Variants in OPCML observed in about 807,000 individuals in gnomAD.
OPCML encodes opioid-binding protein/cell adhesion molecule.
In OPCML, 13 loss-of-function variants were observed where a neutral mutation model predicts 37.8. That is an observed-to-expected ratio of 0.34 (90% CI 0.22 to 0.55). OPCML has a LOEUF of 0.55. OPCML is among the 20% of genes least tolerant of loss of function. The probability of loss-of-function intolerance (pLI) is 0.91; values close to 1 mark genes in which losing one functional copy is unlikely to be tolerated. For synonymous variants in OPCML, 176 were observed against 168.8 expected (o/e 1.04, Z -0.33); for missense variants, 341 against 435.6 (o/e 0.78, Z 1.93).
At chr11:132,924,289 A>G (rs1263630467) in intron 2 of OPCML, among the ~76,000 whole-genome samples, 1 of 152,096 alleles carries the variant, frequency 6.6e-6, no homozygotes, top group African/African-American at 2.4e-5. Flanking sequence ...GCTTAAGTTA[A>G]TCATCTCCTC....
chr11:133,338,000 T>C (rs748959663), intron 1 of OPCML, among the ~76,000 whole-genome samples: 1 of 151,932 alleles, frequency 6.6e-6, no homozygotes, highest in Non-Finnish European at 1.5e-5. Context: ...GGCCGTCCTG[T>C]GTTGGGCACA....
intron 1 of OPCML, chr11:133,302,782 C>T (rs577390807): frequency 1.3e-5 from 2 of 152,288 alleles, no homozygotes; most frequent in East Asian, 1.9e-4. Context: ...TCAACCTATC[C>T]TCTGAATCTA....
At chr11:133,239,450 GA>G (rs1319819856) in intron 1 of OPCML, among the ~76,000 whole-genome samples, 1 of 152,192 alleles carries the variant, frequency 6.6e-6, no homozygotes, top group Non-Finnish European at 1.5e-5. Context: ...GGAGTAGAGA[GA>G]AAAAGCCTGC....
intron 1 of OPCML, among the ~76,000 whole-genome samples, chr11:133,515,227 C>T (rs1335820999): frequency 6.6e-6 from 1 of 152,186 alleles, no homozygotes; most frequent in Non-Finnish European, 1.5e-5. Flanking sequence ...CTTCCACCAG[C>T]TGGGAGGAAG....
At chr11:132,468,996 G>A (rs2096127595) in intron 4 of OPCML, among the ~76,000 whole-genome samples, 1 of 152,114 alleles carries the variant, frequency 6.6e-6, no homozygotes, top group East Asian at 1.9e-4. Flanking sequence ...GTATGTTATT[G>A]AAAGTAACCA....
intron 1 of OPCML, among the ~76,000 whole-genome samples, chr11:132,945,873 C>G (rs2136686107): frequency 6.6e-6 from 1 of 152,322 alleles, no homozygotes; most frequent in East Asian, 1.9e-4. Context: ...AGCTCCACCT[C>G]CCGGGTTCAC....
intron 4 of OPCML, among the ~76,000 whole-genome samples, chr11:132,466,090 G>A (rs554364911): frequency 1.9e-4 from 29 of 152,132 alleles, no homozygotes; most frequent in African/African-American, 7.0e-4. Context: ...TTCCTACCAG[G>A]GCCATCCTCC....
At chr11:132,420,464 C>G in intron 7 of OPCML, 171 bp from the exon 8 acceptor site, 5 of 902,746 alleles carry the variant, frequency 5.5e-6, no homozygotes, top group Non-Finnish European at 5.3e-6. Flanking sequence ...CTCAAAGGGG[C>G]AAGCTGTTGG....
chr11:132,959,358 T>C (rs949419164), intron 1 of OPCML, among the ~76,000 whole-genome samples: 1 of 152,344 alleles, frequency 6.6e-6, no homozygotes, highest in East Asian at 1.9e-4. Flanking sequence ...AGATGGAAAC[T>C]ACCCTCGGTG....
intron 3 of OPCML, among the ~76,000 whole-genome samples, chr11:132,561,549 C>T (rs1207983056): frequency 1.3e-5 from 2 of 152,184 alleles, no homozygotes; most frequent in Non-Finnish European, 2.9e-5. Flanking sequence ...GGACAAGAGG[C>T]CCTCAATAAA....
At chr11:132,426,313 G>A (rs548857453) in intron 7 of OPCML, among the ~76,000 whole-genome samples, 11 of 152,272 alleles carry the variant, frequency 7.2e-5, no homozygotes, top group African/African-American at 2.6e-4. Flanking sequence ...CAGCTACAAG[G>A]GAAGCTCAGC....
chr11:133,261,501 C>G (rs966096786), intron 1 of OPCML, among the ~76,000 whole-genome samples: 1 of 151,914 alleles, frequency 6.6e-6, no homozygotes, highest in African/African-American at 2.4e-5. Context: ...GCTCTCTTCA[C>G]TGCTGCTCAG....
In OPCML at chr11:133,035,635, C is replaced by A. The variant is rs1405953581; in HGVS notation, c.62-92625G>T. ...CCCTATTCTTGGGGACTGAATCGTGCCCCCCCAAAAAATGTACATGTCAAA... is the reference window on the plus strand; with the variant it reads ...CCCTATTCTTGGGGACTGAATCGTGACCCCCCAAAAAATGTACATGTCAAA... On this transcript the variant is annotated intron_variant, in intron 1 of 7. Transcript: ENST00000524381. Among the ~76,000 whole-genome samples the A allele has an allele frequency of 6.6e-5, 10 of 151,704 alleles. 1 individual carries two copies. The South Asian group carries it at 1.2e-3, about 19-fold the overall frequency.
intron 2 of OPCML, among the ~76,000 whole-genome samples, chr11:132,784,598 C>A (rs1947145219): frequency 6.6e-6 from 1 of 152,094 alleles, no homozygotes; most frequent in Non-Finnish European, 1.5e-5. Flanking sequence ...CCCCCCACCC[C>A]AATCTTATGT....
intron 1 of OPCML, among the ~76,000 whole-genome samples, chr11:133,401,243 T>C (rs1353385291): frequency 6.6e-6 from 1 of 152,038 alleles, no homozygotes; most frequent in African/African-American, 2.4e-5. Flanking sequence ...TCCAAGAAAG[T>C]AAGATAAGAA....
intron 1 of OPCML, among the ~76,000 whole-genome samples, chr11:133,053,155 C>T (rs2136969878): frequency 6.6e-6 from 1 of 152,320 alleles, no homozygotes; most frequent in Admixed American, 6.5e-5. Flanking sequence ...ATTTGGGACC[C>T]TGATCCTTAG....
At chr11:133,076,798 G>A (rs1038442834) in intron 1 of OPCML, among the ~76,000 whole-genome samples, 2 of 152,054 alleles carry the variant, frequency 1.3e-5, no homozygotes, top group East Asian at 1.9e-4. Flanking sequence ...ATGGAGCAGC[G>A]TGAAACATGC....
chr11:133,284,054 A>C (rs866578804), intron 1 of OPCML, among the ~76,000 whole-genome samples: 1 of 152,340 alleles, frequency 6.6e-6, no homozygotes, highest in South Asian at 2.1e-4. Flanking sequence ...ATCACTGGAA[A>C]TATTAACAGA....
intron 4 of OPCML, among the ~76,000 whole-genome samples, chr11:132,485,442 T>C (rs640070): frequency 0.027 from 4,097 of 152,262 alleles, 87 homozygotes; most frequent in Non-Finnish European, 0.046. Flanking sequence ...TTGATGTGTT[T>C]TGGCAAGCGT....
Sources: gnomAD v4.1 joint callset for allele counts (sites outside exome capture counted in the v4.1 genomes callset) on GRCh38, gnomAD v4.1.1 for gene constraint, MANE v1.5 for transcripts, NCBI Gene and HGNC (gene_info 2026-07-23, HGNC 2026-07-21) for gene names.